Variants in NBPF3 observed in about 807,000 individuals in gnomAD.
NBPF3 encodes NBPF family member NBPF3.
Under a neutral mutation model 78.1 loss-of-function variants are expected in NBPF3, and 57 were observed. The observed-to-expected ratio is 0.73, with a 90% confidence interval of 0.59 to 0.91. The LOEUF is 0.91. Among genes scored for constraint, NBPF3 ranks in the 40% least tolerant of loss-of-function variants. The probability of loss-of-function intolerance (pLI) is 0.00; values close to 1 mark genes in which losing one functional copy is unlikely to be tolerated. For synonymous variants in NBPF3, 182 were observed against 271.7 expected, an observed-to-expected ratio of 0.67 and a Z score of 3.25; for missense variants, 510 against 715.3, an observed-to-expected ratio of 0.71 and a Z score of 3.27.
intron 2 of NBPF3, among the ~76,000 whole-genome samples, chr1:21,455,473 G>A (rs947853502): frequency 1.3e-5 from 2 of 152,200 alleles, no homozygotes; most frequent in Non-Finnish European, 2.9e-5. Context: ...AATCATATCA[G>A]ACTAACCCTG....
At chr1:21,471,243 G>A (rs777293560) in intron 4 of NBPF3, among the ~76,000 whole-genome samples, 3 of 152,112 alleles carry the variant, frequency 2.0e-5, no homozygotes, top group Admixed American at 1.3e-4. Context: ...GTATATGCAC[G>A]TGGAAATGTC....
intron 2 of NBPF3, among the ~76,000 whole-genome samples, chr1:21,455,480 C>G (rs1465147186): frequency 6.6e-6 from 1 of 152,180 alleles, no homozygotes; most frequent in African/African-American, 2.4e-5. Context: ...TCAGACTAAC[C>G]CTGCCTCCAT....
intron 2 of NBPF3, chr1:21,459,815 C>T (rs1385401600): frequency 2.8e-5 from 8 of 285,214 alleles, no homozygotes; most frequent in African/African-American, 1.1e-4. Flanking sequence ...CGATGCTCTT[C>T]GTTTGAAGAT....
chr1:21,471,564 C>T lies in NBPF3; in HGVS notation c.447-5C>T. The stretch of plus-strand genomic sequence containing the variant: ...TGTTAAATTTTCTCTACTATCTCAC[C>T]TTAGGCAATATAAAGTCCTGGTTCA... On this transcript the variant is annotated splice_region_variant and splice_polypyrimidine_tract_variant and intron_variant, in intron 4 of 14. Transcript: ENST00000318249. The T allele has an allele frequency of 1.9e-6, 3 of 1,611,868 alleles. No individual in the cohort carries two copies. The highest frequency in any genetic ancestry group is 2.5e-6 in the Non-Finnish European group (3 of 1,179,794).
intron 10 of NBPF3, among the ~76,000 whole-genome samples, chr1:21,479,712 G>A (rs1643077647): frequency 6.6e-6 from 1 of 151,976 alleles, no homozygotes; most frequent in Non-Finnish European, 1.5e-5. Context: ...ACTGTTCATT[G>A]TGTGTCCTGA....
intron 7 of NBPF3, among the ~76,000 whole-genome samples, chr1:21,474,627 G>A (rs1459935438): frequency 6.6e-6 from 1 of 152,126 alleles, no homozygotes; most frequent in African/African-American, 2.4e-5. Context: ...TGGCGACTTT[G>A]GGGGGAAAAT....
intron 2 of NBPF3, among the ~76,000 whole-genome samples, chr1:21,461,553 C>T (rs1363889058): frequency 6.6e-6 from 1 of 152,148 alleles, no homozygotes; most frequent in Non-Finnish European, 1.5e-5. Context: ...CTCTGCCTCC[C>T]AGGTTCAAAA....
chr1:21,436,964 A>C, upstream of NBPF3: 1 of 369,148 alleles, frequency 2.7e-6, no homozygotes, highest in Non-Finnish European at 4.8e-6. The surrounding 1 kb of genome is among the most constrained non-coding windows in gnomAD (Gnocchi z 4.3). Flanking sequence ...AGTGTCTGAG[A>C]GTGTCAGGAT....
chr1:21,481,517 A>G, intron 12 of NBPF3, 80 bp from the exon 13 acceptor site: 2 of 1,469,348 alleles, frequency 1.4e-6, no homozygotes, highest in East Asian at 4.6e-5. Flanking sequence ...CCACTTCCTA[A>G]TGCTACCCAT....
intron 12 of NBPF3, 82 bp from the exon 13 acceptor site, chr1:21,481,515 T>A: frequency 1.4e-6 from 2 of 1,470,764 alleles, no homozygotes; most frequent in South Asian, 2.6e-5. Flanking sequence ...AACCACTTCC[T>A]AATGCTACCC....
At position 21,445,248 on chromosome 1, in the gene NBPF3, G is replaced by A. The variant is rs751825684; in HGVS notation, c.133+29G>A. The A allele has an allele frequency of 3.7e-6, 6 of 1,608,500 alleles. No individual in the cohort carries two copies. The African/African-American group carries it at 6.7e-5, about 18-fold the overall frequency. On this transcript the variant is annotated intron_variant, in intron 2 of 14. Transcript: ENST00000318249. The stretch of plus-strand genomic sequence containing the variant: ...AAAATCCCGAGGCATTGCCAGCTCG[G>A]TGGGGTCAGAGAGTCCTCTTTCTAT...
At chr1:21,467,102 A>G (rs1475761633) in intron 2 of NBPF3, 5 of 984,624 alleles carry the variant, frequency 5.1e-6, no homozygotes, top group Non-Finnish European at 6.0e-6. Flanking sequence ...TCATTATGAC[A>G]CAGAATGTCA....
Position 21,467,039 on chromosome 1 carries a change from C to G in NBPF3, c.134-1649C>G, listed in dbSNP as rs1217875585. The G allele has an allele frequency of 7.1e-6, 7 of 983,952 alleles. No individual in the cohort carries two copies. The Admixed American group carries it at 3.7e-4, about 52-fold the overall frequency. 61.0% of individuals were successfully genotyped at this position (983,952 alleles called of 1,614,324 possible). A position where few individuals can be genotyped will look rare whatever the true frequency, so the allele number is the denominator to read the frequency against. Reference sequence around the variant, plus strand: ...GTGTGACCTCAAGTAAGCCACGTAACTCTGTGAACCTGCAGTTTTATCATT... The same window carrying G: ...GTGTGACCTCAAGTAAGCCACGTAAGTCTGTGAACCTGCAGTTTTATCATT... On this transcript the variant is annotated intron_variant, in intron 2 of 14. Coordinates refer to ENST00000318249, the MANE Select transcript of NBPF3 (RefSeq NM_032264.6).
At chr1:21,470,444 C>G (rs1642522418) in intron 3 of NBPF3, among the ~76,000 whole-genome samples, 188 bp from the exon 4 acceptor site, 1 of 152,184 alleles carries the variant, frequency 6.6e-6, no homozygotes. Context: ...CTCTTCGTCT[C>G]TAAATTTTGG....
chr1:21,441,447 C>T (rs1340088053), intron 1 of NBPF3, among the ~76,000 whole-genome samples: 1 of 152,068 alleles, frequency 6.6e-6, no homozygotes, highest in African/African-American at 2.4e-5. Flanking sequence ...TAGATCACAC[C>T]TGTAATCCCA....
chr1:21,460,025 C>T lies in NBPF3; in HGVS notation c.134-8663C>T. ...GGTGAGTCCTTGTTGCCCACGATGG[C>T]CGCGAACCTAACAGGTCCCATCCGC... On this transcript the variant is annotated intron_variant, in intron 2 of 14. Coordinates refer to ENST00000318249, the MANE Select transcript of NBPF3 (RefSeq NM_032264.6). The surrounding 1 kb of genome is among the most constrained non-coding windows in gnomAD (Gnocchi z 4.2). 2.6e-5 allele frequency: 1 copy of T among 37,938 alleles called. No homozygotes were observed. The highest frequency in any genetic ancestry group is 7.5e-5 in the Non-Finnish European group (1 of 13,378). The allele number at this position is 37,938 out of a possible 1,614,324, so 2.4% of individuals were successfully genotyped here.
chr1:21,441,973 A>G (rs1640678117), intron 1 of NBPF3, among the ~76,000 whole-genome samples: 2 of 152,168 alleles, frequency 1.3e-5, no homozygotes, highest in Admixed American at 6.5e-5. Flanking sequence ...GTGCAGTAAT[A>G]TATCAGTGTG....
At chr1:21,465,932 T>C (rs943273695) in intron 2 of NBPF3, among the ~76,000 whole-genome samples, 6 of 152,208 alleles carry the variant, frequency 3.9e-5, no homozygotes, top group African/African-American at 1.4e-4. Context: ...CACTGAGACA[T>C]GAAGAACAGA....
intron 8 of NBPF3, among the ~76,000 whole-genome samples, chr1:21,475,726 A>T (rs1241477139): frequency 6.6e-6 from 1 of 152,186 alleles, no homozygotes; most frequent in East Asian, 1.9e-4. Flanking sequence ...GTGTGATGTG[A>T]TGCTGAGAAG....
Sources: gnomAD v4.1 joint callset for allele counts (sites outside exome capture counted in the v4.1 genomes callset) on GRCh38, gnomAD v4.1.1 for gene constraint, Gnocchi (gnomAD v3.1) non-coding constraint, MANE v1.5 for transcripts, NCBI Gene and HGNC (gene_info 2026-07-23, HGNC 2026-07-21) for gene names.